The following SNX13 variants were observed in gnomAD, a reference collection of about 807,000 sequenced individuals.
SNX13 encodes the protein sorting nexin 13, also known as sorting nexin-13.
In SNX13, 45 loss-of-function variants were observed where a neutral mutation model predicts 133.6. The ratio of observed to expected loss-of-function variants is 0.34; its 90% CI spans 0.27 to 0.43. SNX13 has a LOEUF of 0.43. Among genes scored for constraint, SNX13 ranks in the 20% least tolerant of loss-of-function variants. The pLI, the probability that SNX13 is intolerant of heterozygous loss-of-function variation, is 1.00. For missense variants in SNX13, 1,032 were observed against 1,145.1 expected (o/e 0.90, Z 1.43); for synonymous variants, 414 against 373.9 (o/e 1.11, Z -1.24).
intron 15 of SNX13, chr7:17,832,361 A>T: frequency 2.0e-6 from 2 of 984,590 alleles, no homozygotes; most frequent in Non-Finnish European, 2.4e-6. Context: ...CAGGATCAAA[A>T]ATTACTTCCA....
chr7:17,814,339 C>T (rs558118877), intron 20 of SNX13, among the ~76,000 whole-genome samples: 1 of 152,256 alleles, frequency 6.6e-6, no homozygotes, highest in Non-Finnish European at 1.5e-5. Context: ...ACCCACTAAG[C>T]TATCCTACCT....
intron 15 of SNX13, chr7:17,831,824 T>C (rs1298479690): frequency 1.0e-6 from 1 of 982,650 alleles, no homozygotes; most frequent in African/African-American, 1.7e-5. Flanking sequence ...TAAATAATCA[T>C]ATAAAAAGAA....
intron 1 of SNX13, among the ~76,000 whole-genome samples, chr7:17,906,811 T>G (rs1798451450): frequency 6.6e-6 from 1 of 152,168 alleles, no homozygotes; most frequent in African/African-American, 2.4e-5. Flanking sequence ...AAAGGTCAGT[T>G]CCAATTACCT....
chr7:17,838,958 G>A (rs926945755), intron 13 of SNX13, among the ~76,000 whole-genome samples: 1 of 150,190 alleles, frequency 6.7e-6, no homozygotes, highest in African/African-American at 2.4e-5. Flanking sequence ...ATGTATTACA[G>A]TATTACATTA....
chr7:17,818,096 T>C (rs963524551), intron 18 of SNX13, among the ~76,000 whole-genome samples: 1 of 152,126 alleles, frequency 6.6e-6, no homozygotes, highest in African/African-American at 2.4e-5. Flanking sequence ...GAAATGGCCA[T>C]GTAGGGACAT....
At chr7:17,914,796 C>A (rs759418130) in intron 1 of SNX13, among the ~76,000 whole-genome samples, 5 of 152,104 alleles carry the variant, frequency 3.3e-5, no homozygotes, top group African/African-American at 4.8e-5. Context: ...GTCTCCAGAC[C>A]CCATAAAACA....
chr7:17,863,799 C>A (rs1793036489), intron 9 of SNX13, among the ~76,000 whole-genome samples: 1 of 152,202 alleles, frequency 6.6e-6, no homozygotes, highest in South Asian at 2.1e-4. Flanking sequence ...ACTGTTTCCC[C>A]AACTCTAGGC....
At position 17,896,278 on chromosome 7, in the gene SNX13, G is replaced by A. The variant is rs1391868902; in HGVS notation, c.125+1056C>T. Among the ~76,000 whole-genome samples, 8 of 152,236 alleles carry A rather than the reference G, an allele frequency of 5.3e-5. No individual in the cohort carries two copies. In the East Asian group the frequency reaches 1.5e-3, roughly 29 times the overall value. On this transcript the variant is annotated intron_variant, in intron 2 of 25. Coordinates refer to ENST00000428135, the MANE Select transcript of SNX13 (RefSeq NM_015132.5). ...TACACAGTATCGTATCTAGGCCATA[G>A]ATATGAAAATACTAAATCTAACATA...
At chr7:17,803,906 G>C (rs1438292142) in intron 20 of SNX13, among the ~76,000 whole-genome samples, 1 of 146,214 alleles carries the variant, frequency 6.8e-6, no homozygotes, top group African/African-American at 2.6e-5. Context: ...AAAAAAGCCA[G>C]GTATATTGGT....
At chr7:17,927,304 GCGATCATAGCT>G (rs1800873416) in intron 1 of SNX13, among the ~76,000 whole-genome samples, 1 of 151,688 alleles carries the variant, frequency 6.6e-6, no homozygotes, top group East Asian at 1.9e-4. Context: ...GTGCAGTGAT[GCGATCATAGCT>G]CACTGCAGCC....
At chr7:17,801,024 A>T (rs1172929790) in intron 22 of SNX13, among the ~76,000 whole-genome samples, 383 of 16,270 alleles carry the variant, frequency 0.024, 9 homozygotes, top group Middle Eastern at 0.056. Flanking sequence ...ATATATATAT[A>T]TATATATATA....
At chr7:17,884,488 T>C (rs1231570164) in intron 5 of SNX13, among the ~76,000 whole-genome samples, 3 of 152,230 alleles carry the variant, frequency 2.0e-5, no homozygotes, top group Non-Finnish European at 4.4e-5. Context: ...CAACTATAGA[T>C]AACAATTTTG....
chr7:17,857,723 T>C (rs1792098776), intron 9 of SNX13, among the ~76,000 whole-genome samples: 1 of 151,904 alleles, frequency 6.6e-6, no homozygotes. Flanking sequence ...AGGTGGAGGT[T>C]ACAGTGAGCT....
In SNX13 at chr7:17,791,042, T is replaced by G. The variant is rs1373628084; in HGVS notation, c.*3003A>C. The G allele has an allele frequency of 6.6e-6, 1 of 151,982 alleles. No individual in the cohort carries two copies. Among genetic ancestry groups the G allele is most frequent in the Non-Finnish European group, 1.5e-5 (1 of 67,898 alleles). The allele number at this position is 151,982 out of a possible 1,614,324, so 9.4% of individuals were successfully genotyped here. ...TCCTAAAAGCAAAATTTACTACTAA[T>G]AAAAGAATTTTCCAAGGAGTGACAA... On this transcript the variant is annotated 3_prime_UTR_variant, in exon 26 of 26. Transcript: ENST00000428135.
At chr7:17,909,621 C>A (rs148549274) in intron 1 of SNX13, among the ~76,000 whole-genome samples, 2 of 152,160 alleles carry the variant, frequency 1.3e-5, no homozygotes, top group African/African-American at 4.8e-5. Flanking sequence ...ACAAAAAAAC[C>A]GAACACTGCA....
chr7:17,935,194 A>G (rs1040975544), intron 1 of SNX13, among the ~76,000 whole-genome samples: 1 of 152,230 alleles, frequency 6.6e-6, no homozygotes, highest in Non-Finnish European at 1.5e-5. Flanking sequence ...CTTAAAAGAG[A>G]AGGAAATTCT....
intron 1 of SNX13, among the ~76,000 whole-genome samples, chr7:17,920,303 AAACT>A (rs965274018): frequency 6.6e-6 from 1 of 152,180 alleles, no homozygotes; most frequent in Admixed American, 6.5e-5. Context: ...TTTCTAAAAC[AAACT>A]GTTACCAAAT....
chr7:17,890,971 C>G (rs1490476499), intron 4 of SNX13, among the ~76,000 whole-genome samples: 1 of 151,810 alleles, frequency 6.6e-6, no homozygotes, highest in Non-Finnish European at 1.5e-5. Flanking sequence ...ACCTTTGATA[C>G]TGCCAACAGT....
Position 17,839,802 on chromosome 7 carries a change from C to G in SNX13, c.1359+5G>C, listed in dbSNP as rs772515701. 6.1e-5 allele frequency: 97 copies of G among 1,590,462 alleles called. 1 individual carries two copies. The South Asian group carries it at 1.1e-3, about 18-fold the overall frequency. ...AAGAAAACAGTAATCAAAATACAGC[C>G]TCACCTTTTCTGATAAATACTGTTC... is the stretch of plus-strand genomic sequence containing the variant. On this transcript the variant is annotated splice_donor_5th_base_variant and intron_variant, in intron 13 of 25. Coordinates refer to ENST00000428135, the MANE Select transcript of SNX13 (RefSeq NM_015132.5).
Sources: allele counts gnomAD v4.1 joint callset (sites outside exome capture counted in the v4.1 genomes callset), GRCh38; gene constraint gnomAD v4.1.1; transcripts MANE v1.5; gene names NCBI Gene and HGNC (gene_info 2026-07-23, HGNC 2026-07-21).